Variants in ZNF180 observed in about 807,000 individuals in gnomAD.
The protein encoded by ZNF180 is zinc finger protein 180 (HHZ168).
In ZNF180, 11 loss-of-function variants were observed where a neutral mutation model predicts 11.8. That is an observed-to-expected ratio of 0.93 (90% CI 0.59 to 1.55). The LOEUF is 1.55. Among genes scored for constraint, ZNF180 ranks in the 40% most tolerant of loss-of-function variants. The pLI, the probability that ZNF180 is intolerant of heterozygous loss-of-function variation, is 0.00. For missense variants in ZNF180, 773 were observed against 781.7 expected (o/e 0.99, Z 0.13); for synonymous variants, 287 against 257.7 (o/e 1.11, Z -1.09).
At chr19:44,488,898 G>GA (rs2123476714) in intron 2 of ZNF180, among the ~76,000 whole-genome samples, 1 of 151,486 alleles carries the variant, frequency 6.6e-6, no homozygotes, top group Non-Finnish European at 1.5e-5. Flanking sequence ...GAAGTGAGGA[G>GA]ACCCTCTGCC....
chr19:44,493,877 A>G (rs1206798761), intron 2 of ZNF180, among the ~76,000 whole-genome samples: 1 of 152,160 alleles, frequency 6.6e-6, no homozygotes, highest in Non-Finnish European at 1.5e-5. Flanking sequence ...TGAGTTTGCA[A>G]CAATATCCTC....
In ZNF180 at chr19:44,484,276, G is replaced by A. The variant is rs944095527; in HGVS notation, c.126+85C>T. The A allele has an allele frequency of 7.6e-5, 86 of 1,125,218 alleles. 1 individual carries two copies. The highest frequency in any genetic ancestry group is 3.9e-4 in the South Asian group (31 of 80,420). The allele number at this position is 1,125,218 out of a possible 1,614,324, so 69.7% of individuals were successfully genotyped here. ...GCCTCCCAAAGTGCTGGCAGCCACC[G>A]CGCCCGGCCTATTTCCTCACTTTCT... On this transcript the variant is annotated intron_variant, in intron 3 of 4. Coordinates refer to ENST00000592529, the MANE Select transcript of ZNF180 (RefSeq NM_001278509.3).
At chr19:44,484,327 C>A (rs1219851393) in intron 3 of ZNF180, 34 bp downstream of exon 3, 5 of 1,541,074 alleles carry the variant, frequency 3.2e-6, no homozygotes. Context: ...ATGCACATTT[C>A]TCAGTGTAAA....
At chr19:44,492,267 C>T (rs1253248294) in intron 2 of ZNF180, among the ~76,000 whole-genome samples, 1 of 152,116 alleles carries the variant, frequency 6.6e-6, no homozygotes, top group Non-Finnish European at 1.5e-5. Context: ...AGTAGGAGCA[C>T]AATAAAAGTT....
intron 2 of ZNF180, among the ~76,000 whole-genome samples, chr19:44,489,711 C>G (rs1157303740): frequency 7.8e-6 from 1 of 128,592 alleles, no homozygotes; most frequent in African/African-American, 3.0e-5. Flanking sequence ...TCCCCCTCTG[C>G]GAGAAACACC....
rs1204554609 is a variant in ZNF180, at chr19:44,483,991, CTTTCTTTTTT to C, written c.126+360_126+369del. On this transcript the variant is annotated intron_variant, in intron 3 of 4. Transcript: ENST00000592529. The stretch of plus-strand genomic sequence containing the variant: ...TTGTCTCCATTTCCTCACTTTCTTT[CTTTCTTTTTT>C]TTTTTTTTTTTGAGATGGAGTCTCA... 5.9e-5 allele frequency among the ~76,000 whole-genome samples: 6 copies of C among 102,302 alleles called. 1 individual carries two copies. The highest frequency in any genetic ancestry group is 1.4e-4 in the African/African-American group (4 of 27,770). The allele number at this position is 102,302 out of a possible 152,430, so 67.1% of individuals were successfully genotyped here.
In ZNF180 at chr19:44,500,414, C is replaced by T; in HGVS notation, c.-183G>A. On this transcript the variant is annotated 5_prime_UTR_variant, in exon 1 of 5. Coordinates refer to ENST00000592529, the MANE Select transcript of ZNF180 (RefSeq NM_001278509.3). The stretch of plus-strand genomic sequence containing the variant: ...ACGGCCGACTCGGGTTAAGCTAGTT[C>T]GGTCCCCTCTCCTAGTCAGCATCCG... The T allele has an allele frequency of 1.4e-6, 1 of 727,356 alleles. No individual in the cohort carries two copies. The highest frequency in any genetic ancestry group is 1.7e-5 in the South Asian group (1 of 59,758). 45.1% of individuals were successfully genotyped at this position (727,356 alleles called of 1,614,324 possible).
chr19:44,494,769 C>T (rs1375713022), intron 2 of ZNF180, among the ~76,000 whole-genome samples: 1 of 152,138 alleles, frequency 6.6e-6, no homozygotes, highest in Non-Finnish European at 1.5e-5. Flanking sequence ...CTTTCTAAAA[C>T]AATTGCACAT....
In ZNF180 at chr19:44,495,191, C is replaced by T. The variant is rs1049858992; in HGVS notation, c.51+2093G>A. 6.6e-6 allele frequency among the ~76,000 whole-genome samples: 1 copy of T among 152,116 alleles called. No homozygotes were observed. Among genetic ancestry groups the T allele is most frequent in the African/African-American group, 2.4e-5 (1 of 41,412 alleles). On this transcript the variant is annotated intron_variant, in intron 2 of 4. Coordinates refer to ENST00000592529, the MANE Select transcript of ZNF180 (RefSeq NM_001278509.3). This position sits in a 1 kb window ranked among gnomAD's most constrained non-coding sequence, Gnocchi z 4.5. Reference sequence around the variant, plus strand: ...ATATACACTTACTTATCTGATCTAGCCCCCTGTAGGTAGTTCCTCTCCCAT... The same window carrying T: ...ATATACACTTACTTATCTGATCTAGTCCCCTGTAGGTAGTTCCTCTCCCAT...
chr19:44,484,418 T>G lies in ZNF180; in HGVS notation c.69A>C (p.Gln23His), dbSNP rs1970169114. ...KVCAQDSFLP[Q>H]EIIIKVEGED... ...CTCCCTCGACTTTGATGATAATCTC[T>G]TGAGGAAGGAAAGAATCCTGAAAAG... Residue 23 changes from glutamine to histidine, a missense_variant, in exon 3 of 5, where the codon CAA (glutamine) becomes CAC (histidine). By Grantham distance (24) the Gln-to-His change is conservative. Transcript: ENST00000592529. The G allele has an allele frequency of 1.2e-6, 2 of 1,613,832 alleles. No homozygotes were observed. The highest frequency in any genetic ancestry group is 1.6e-4 in the Middle Eastern group (1 of 6,062).
At position 44,500,405 on chromosome 19, in the gene ZNF180, A is replaced by C; in HGVS notation, c.-174T>G. The C allele has an allele frequency of 1.3e-6, 1 of 795,604 alleles. No homozygotes were observed. The highest frequency in any genetic ancestry group is 2.1e-6 in the Non-Finnish European group (1 of 485,882). 49.3% of individuals were successfully genotyped at this position (795,604 alleles called of 1,614,324 possible). On this transcript the variant is annotated 5_prime_UTR_variant, in exon 1 of 5. The change creates a premature stop within an existing upstream ORF in the 5' untranslated region. Coordinates refer to ENST00000592529, the MANE Select transcript of ZNF180 (RefSeq NM_001278509.3). ...TTCTGCAACACGGCCGACTCGGGTT[A>C]AGCTAGTTCGGTCCCCTCTCCTAGT...
chr19:44,479,469 G>A (rs941689804), intron 3 of ZNF180, 60 bp from the exon 4 acceptor site: 1 of 1,601,990 alleles, frequency 6.2e-7, no homozygotes, highest in Non-Finnish European at 8.5e-7. Flanking sequence ...AGTTCATGGA[G>A]GAGGAAAAGT....
chr19:44,479,468 A>G, intron 3 of ZNF180, 59 bp from the exon 4 acceptor site: 1 of 1,602,928 alleles, frequency 6.2e-7, no homozygotes, highest in Non-Finnish European at 8.5e-7. Context: ...AAGTTCATGG[A>G]GGAGGAAAAG....
Position 44,476,691 on chromosome 19 carries a change from C to A in ZNF180, c.1709G>T (p.Arg570Ile). The A allele has an allele frequency of 1.2e-6, 2 of 1,614,194 alleles. No individual in the cohort carries two copies. Among genetic ancestry groups the A allele is most frequent in the Non-Finnish European group, 1.7e-6 (2 of 1,180,024 alleles). Reference protein sequence around the residue: ...SQSYVLVVHQRTHTGEKPYEC... With the variant: ...SQSYVLVVHQITHTGEKPYEC... The stretch of plus-strand genomic sequence containing the variant: ...ATAGGGCTTTTCTCCAGTATGAGTT[C>A]TCTGATGTACAACAAGAACATAACT... Residue 570 changes from arginine (R) to isoleucine (I), a missense_variant, in exon 5 of 5, where the codon AGA becomes ATA. Coordinates refer to ENST00000592529, the MANE Select transcript of ZNF180 (RefSeq NM_001278509.3).
intron 2 of ZNF180, chr19:44,485,160 C>CAAAAAAAA (rs200848889): frequency 1.2e-5 from 1 of 81,596 alleles, no homozygotes; most frequent in African/African-American, 5.3e-5. Flanking sequence ...GACTCCATCT[C>CAAAAAAAA]AAAAAAAAAA....
In ZNF180 at chr19:44,477,240, C is replaced by T. The variant is rs192918445; in HGVS notation, c.1160G>A (p.Cys387Tyr). 4.4e-5 allele frequency: 71 copies of T among 1,614,164 alleles called. No individual in the cohort carries two copies. In the East Asian group the frequency reaches 4.7e-4, roughly 11 times the overall value. ...ATAACTCTGGCTAAAGGATTTCCCA[C>T]ATTGATTACACCTGTAAGGTTTCTC... is the stretch of plus-strand genomic sequence containing the variant. ...TGEKPYRCNQ[C>Y]GKSFSQSYVL... The change falls in exon 5 of 5, where the codon TGT (cysteine) becomes TAT (tyrosine). Residue 387 changes from cysteine (C) to tyrosine (Y), a missense_variant. Coordinates refer to ENST00000592529, the MANE Select transcript of ZNF180 (RefSeq NM_001278509.3).
chr19:44,493,795 A>T (rs759677193), intron 2 of ZNF180, among the ~76,000 whole-genome samples: 2 of 152,132 alleles, frequency 1.3e-5, no homozygotes, highest in African/African-American at 2.4e-5. Context: ...GCAGAAATCC[A>T]CTGCTATGCT....
intron 2 of ZNF180, among the ~76,000 whole-genome samples, chr19:44,488,607 C>T (rs1054994011): frequency 1.3e-5 from 2 of 152,038 alleles, no homozygotes; most frequent in African/African-American, 2.4e-5. Context: ...GTGATCTCGG[C>T]TCGCTACAAC....
intron 2 of ZNF180, among the ~76,000 whole-genome samples, chr19:44,494,626 G>C (rs1970533265): frequency 6.6e-6 from 1 of 152,146 alleles, no homozygotes; most frequent in African/African-American, 2.4e-5. Flanking sequence ...GATCTATGCT[G>C]GTGTGCCATG....
Sources: allele counts gnomAD v4.1 joint callset (sites outside exome capture counted in the v4.1 genomes callset), GRCh38; gene constraint gnomAD v4.1.1; non-coding constraint Gnocchi (gnomAD v3.1); transcripts MANE v1.5; gene names NCBI Gene and HGNC (gene_info 2026-07-23, HGNC 2026-07-21).